Variants in FAM217A observed in about 807,000 individuals in gnomAD.
FAM217A encodes the protein protein FAM217A.
Under a neutral mutation model 18.5 loss-of-function variants are expected in FAM217A, and 13 were observed. The observed-to-expected ratio is 0.70, with a 90% CI of 0.46 to 1.12. The LOEUF (loss-of-function observed/expected upper bound fraction) is 1.12, where lower values mean the gene tolerates loss of function less well. FAM217A is among the 50% of genes most tolerant of loss of function. FAM217A has a pLI of 0.00. For synonymous variants in FAM217A, 161 were observed against 202.8 expected (o/e 0.79, Z 1.75); for missense variants, 560 against 575.4 (o/e 0.97, Z 0.27).
upstream of FAM217A, among the ~76,000 whole-genome samples, chr6:4,083,560 T>TC (rs202028049): frequency 6.9e-3 from 1,052 of 151,666 alleles, 13 homozygotes; most frequent in African/African-American, 0.024. Flanking sequence ...TTCTTTTCTT[T>TC]TTTTTTTTTG....
At chr6:4,078,200 A>T (rs1769985292) in intron 1 of FAM217A, among the ~76,000 whole-genome samples, 1 of 151,680 alleles carries the variant, frequency 6.6e-6, no homozygotes, top group Non-Finnish European at 1.5e-5. Context: ...ATTACAGGCG[A>T]GCACCACTAC....
intron 1 of FAM217A, 101 bp from the exon 2 acceptor site, chr6:4,077,549 G>T (rs1196650630): frequency 7.0e-6 from 7 of 1,005,680 alleles, no homozygotes; most frequent in Non-Finnish European, 1.1e-5. Flanking sequence ...GTAAGAGAAT[G>T]CTTAGAAAGC....
In FAM217A at chr6:4,069,676, C is replaced by T. The variant is rs778322265; in HGVS notation, c.547G>A (p.Ala183Thr). ...CCATGTTTCAAATTCCAATTTGGAGCAGGTAATGTTTCACCATCATTGTTT... is the reference window on the plus strand; with the variant it reads ...CCATGTTTCAAATTCCAATTTGGAGTAGGTAATGTTTCACCATCATTGTTT... ...IENNDGETLP[A>T]PNWNLKHGNS... Residue 183 changes from alanine to threonine, a missense_variant, in exon 7 of 7, where the codon GCT (alanine) becomes ACT (threonine). By Grantham distance (58) the Ala-to-Thr change is moderately conservative. Coordinates refer to ENST00000274673, the MANE Select transcript of FAM217A (RefSeq NM_173563.3). 6.2e-7 allele frequency: 1 copy of T among 1,614,116 alleles called. No individual in the cohort carries two copies. Among genetic ancestry groups the T allele is most frequent in the Non-Finnish European group, 8.5e-7 (1 of 1,180,026 alleles).
chr6:4,084,995 C>T (rs1194992898), intron 1 of FAM217A, among the ~76,000 whole-genome samples: 2 of 152,206 alleles, frequency 1.3e-5, no homozygotes, highest in African/African-American at 2.4e-5. Context: ...CAAGAAAAAA[C>T]TTGCGAGAAA....
At position 4,079,122 on chromosome 6, in the gene FAM217A, C is replaced by T. The variant is rs1347516944; in HGVS notation, c.-305G>A. 5 of 346,154 alleles carry T rather than the reference C, an allele frequency of 1.4e-5. No homozygotes were observed. Among genetic ancestry groups the T allele is most frequent in the African/African-American group, 1.1e-4 (5 of 46,082 alleles). The allele number at this position is 346,154 out of a possible 1,614,324, so 21.4% of individuals were successfully genotyped here. A position where few individuals can be genotyped will look rare whatever the true frequency, so the allele number is the denominator to read the frequency against. ...CCTTCCGGGGCCGGGGCTGCGGCTC[C>T]GCGGGCTTCCCCACCGGCCGGGTCT... On this transcript the variant is annotated 5_prime_UTR_variant, in exon 1 of 7. Transcript: ENST00000274673.
At chr6:4,070,552 A>C (rs556220397) in intron 6 of FAM217A, among the ~76,000 whole-genome samples, 4 of 152,342 alleles carry the variant, frequency 2.6e-5, no homozygotes, top group African/African-American at 9.6e-5. Context: ...AAGCCATAGA[A>C]TACTGAGTTT....
At chr6:4,086,314 C>T (rs557332500) in intron 1 of FAM217A, among the ~76,000 whole-genome samples, 3 of 151,894 alleles carry the variant, frequency 2.0e-5, no homozygotes, top group Non-Finnish European at 2.9e-5. Context: ...GGCATGGTGG[C>T]GCATGCCTGT....
chr6:4,084,705 C>T (rs779862486), exon 2 of FAM217A: 2 of 702,898 alleles, frequency 2.8e-6, no homozygotes, highest in African/African-American at 1.7e-5. Flanking sequence ...CTAATCTTCT[C>T]TCTGTGAACA....
At chr6:4,076,741 G>A (rs1259089414) in intron 2 of FAM217A, among the ~76,000 whole-genome samples, 2 of 152,156 alleles carry the variant, frequency 1.3e-5, no homozygotes, top group South Asian at 2.1e-4. Context: ...GGTGGCACAT[G>A]CCTGTAGTCC....
Position 4,069,118 on chromosome 6 carries a change from G to A in FAM217A, c.1105C>T (p.Arg369Trp), listed in dbSNP as rs770746431. 5.0e-5 allele frequency: 80 copies of A among 1,613,964 alleles called. No homozygotes were observed. The highest frequency in any genetic ancestry group is 8.0e-5 in the African/African-American group (6 of 74,912). The stretch of plus-strand genomic sequence containing the variant: ...TATTTGCCAGCATTGCTCCAATTCC[G>A]TTTTAAAGCATTTTGTTCAAGCTTA... ...SCKLEQNALK[R>W]NWSNAGKYRW... is the part of the protein sequence containing the mutation. The change falls in exon 7 of 7, where the codon CGG becomes TGG. Residue 369 changes from arginine (R) to tryptophan (W), a missense_variant. Physicochemically the swap from Arg to Trp is moderately radical, Grantham distance 101 (BLOSUM62 -3). Transcript: ENST00000274673.
intron 1 of FAM217A, 149 bp from the exon 2 acceptor site, chr6:4,077,597 G>T: frequency 1.5e-6 from 1 of 666,752 alleles, no homozygotes; most frequent in Non-Finnish European, 2.6e-6. Flanking sequence ...GGGGGTGACA[G>T]TACGAAACCA....
At chr6:4,080,814 T>A (rs1476619342), upstream of FAM217A, among the ~76,000 whole-genome samples, 1 of 152,154 alleles carries the variant, frequency 6.6e-6, no homozygotes, top group Non-Finnish European at 1.5e-5. Context: ...TTTTATCTCC[T>A]TTTCTTTTTT....
rs377046907 is a variant in FAM217A at position 4,085,311 on chromosome 6, A to AAAATATAT, written c.19-502_19-501insATATATTT. On this transcript the variant is annotated intron_variant, in intron 1 of 8. Transcript: ENST00000639338. Reference sequence around the variant, plus strand: ...AGAAGTGTTATTCATTGTAAAAAAAAATATATATATATATATAAAATATGT... The same window carrying AAAATATAT: ...AGAAGTGTTATTCATTGTAAAAAAAAAAATATATATATATATATATATATAAAATATGT... Among the ~76,000 whole-genome samples the AAAATATAT allele has an allele frequency of 2.9e-3, 426 of 146,422 alleles. 2 individuals are homozygous for AAAATATAT. Among genetic ancestry groups the AAAATATAT allele is most frequent in the African/African-American group, 8.7e-3 (352 of 40,294 alleles).
chr6:4,074,598 C>T lies in FAM217A; in HGVS notation c.124G>A (p.Gly42Arg), dbSNP rs1279762162. 6.2e-7 allele frequency: 1 copy of T among 1,613,628 alleles called. No individual in the cohort carries two copies. Among genetic ancestry groups the T allele is most frequent in the South Asian group, 1.1e-5 (1 of 91,060 alleles). The change falls in exon 3 of 7, where the codon GGA (glycine) becomes AGA (arginine). Residue 42 changes from glycine (G) to arginine (R), a missense_variant. Coordinates refer to ENST00000274673, the MANE Select transcript of FAM217A (RefSeq NM_173563.3). ...PVSENKNLPA[G>R]RDGAAGGKIN... is the part of the protein sequence containing the mutation. ...TTACCACCTGCTGCTCCATCCCTTCCAGCTGGGAGGTTTTTATTTTCAGAA... is the reference window on the plus strand; with the variant it reads ...TTACCACCTGCTGCTCCATCCCTTCTAGCTGGGAGGTTTTTATTTTCAGAA...
rs575026919 is a variant in FAM217A at position 4,069,934 on chromosome 6, TTTAA to T, written c.303-18_303-15del. On this transcript the variant is annotated splice_polypyrimidine_tract_variant and intron_variant, in intron 6 of 6. Coordinates refer to ENST00000274673, the MANE Select transcript of FAM217A (RefSeq NM_173563.3). ...TTTTTGAATTCCCTTTAAAAAATAA[TTTAA>T]TTAATGAATGGTTTATTGACTAGAA... 63 of 1,494,924 alleles carry T rather than the reference TTTAA, an allele frequency of 4.2e-5. No homozygotes were observed. The East Asian group carries it at 7.6e-4, about 18-fold the overall frequency. 92.6% of individuals were successfully genotyped at this position (1,494,924 alleles called of 1,614,324 possible).
At chr6:4,070,071 T>TA in intron 6 of FAM217A, 151 bp from the exon 7 acceptor site, 1 of 559,700 alleles carries the variant, frequency 1.8e-6, no homozygotes. Flanking sequence ...AGAAATATGT[T>TA]AGTTTCCAAA....
chr6:4,084,251 T>C (rs1770495557), intron 2 of FAM217A, among the ~76,000 whole-genome samples: 1 of 152,226 alleles, frequency 6.6e-6, no homozygotes, highest in Non-Finnish European at 1.5e-5. Context: ...GGCCATTGTT[T>C]TGTTGCAAAT....
At chr6:4,077,173 T>A (rs867711215) in intron 2 of FAM217A, among the ~76,000 whole-genome samples, 182 bp downstream of exon 2, 1 of 152,214 alleles carries the variant, frequency 6.6e-6, no homozygotes, top group Admixed American at 6.5e-5. Context: ...TAATTTTCCC[T>A]TTGTTAAAAG....
At chr6:4,079,246 G>A (rs1471197456), upstream of FAM217A, 5 of 188,424 alleles carry the variant, frequency 2.7e-5, no homozygotes, top group African/African-American at 4.8e-5. Flanking sequence ...GGCCGCCCAG[G>A]CGCGGAGCCT....
Sources: allele counts gnomAD v4.1 joint callset (sites outside exome capture counted in the v4.1 genomes callset), GRCh38; gene constraint gnomAD v4.1.1; transcripts MANE v1.5; gene names NCBI Gene and HGNC (gene_info 2026-07-23, HGNC 2026-07-21).